SPOCK1: variants seen among roughly 807,000 people sequenced by gnomAD.
The protein encoded by SPOCK1 is testican-1.
SPOCK1 carries 23 observed loss-of-function variants against 55.3 expected under a neutral mutation model. That is an observed-to-expected ratio of 0.42 (90% CI 0.30 to 0.59). The LOEUF (loss-of-function observed/expected upper bound fraction) is 0.59. Ranked by LOEUF, SPOCK1 falls within the 20% of genes least tolerant of loss-of-function variation. The pLI, the probability that SPOCK1 is intolerant of heterozygous loss-of-function variation, is 0.22. For synonymous variants in SPOCK1, 226 were observed against 221.0 expected (o/e 1.02, Z -0.20); for missense variants, 499 against 552.5 (o/e 0.90, Z 0.97).
rs796667572 is a variant in SPOCK1 at position 137,356,873 on chromosome 5, A to AGAGAGAGAGAGAGAGAGAGAGAGAGT, written c.187-89819_187-89818insACTCTCTCTCTCTCTCTCTCTCTCTC. ...GAGAGAGAGAGAGAGAGAGAGAGAG[A>AGAGAGAGAGAGAGAGAGAGAGAGAGT]GAGTATGCAGACCAACCAGGGGGCC... On this transcript the variant is annotated intron_variant, in intron 2 of 10. Transcript: ENST00000394945. Among the ~76,000 whole-genome samples, 27 of 69,818 alleles carry AGAGAGAGAGAGAGAGAGAGAGAGAGT rather than the reference A, an allele frequency of 3.9e-4. 1 individual carries two copies. Among genetic ancestry groups the AGAGAGAGAGAGAGAGAGAGAGAGAGT allele is most frequent in the African/African-American group, 1.0e-3 (14 of 13,694 alleles). 45.8% of individuals were successfully genotyped at this position (69,818 alleles called of 152,430 possible). A position where few individuals can be genotyped will look rare whatever the true frequency, so the allele number is the denominator to read the frequency against.
intron 5 of SPOCK1, among the ~76,000 whole-genome samples, chr5:137,078,881 C>A (rs1752825084): frequency 1.3e-5 from 2 of 152,200 alleles, no homozygotes; most frequent in Non-Finnish European, 2.9e-5. Context: ...ACAACCATTC[C>A]TTGTATCCTG....
At chr5:137,193,338 A>T (rs183176963) in intron 3 of SPOCK1, among the ~76,000 whole-genome samples, 131 of 152,238 alleles carry the variant, frequency 8.6e-4, no homozygotes, top group Non-Finnish European at 2.2e-4. Flanking sequence ...AGCCTTGGGG[A>T]TTGACTGGGA....
intron 2 of SPOCK1, among the ~76,000 whole-genome samples, chr5:137,318,138 T>G (rs1212658574): frequency 6.6e-6 from 1 of 152,198 alleles, no homozygotes; most frequent in Non-Finnish European, 1.5e-5. Flanking sequence ...CCCACTGCAT[T>G]TTCAAAGACC....
chr5:137,294,921 A>G (rs1757449091), intron 2 of SPOCK1, among the ~76,000 whole-genome samples: 1 of 152,178 alleles, frequency 6.6e-6, no homozygotes, highest in African/African-American at 2.4e-5. Context: ...TCCTTCCTTC[A>G]CTAGCTATTA....
chr5:137,265,410 T>C (rs1241881163), intron 3 of SPOCK1, among the ~76,000 whole-genome samples: 1 of 152,164 alleles, frequency 6.6e-6, no homozygotes, highest in Non-Finnish European at 1.5e-5. Flanking sequence ...TGACTGTCAA[T>C]TGAGTTACCT....
At chr5:137,207,799 A>C (rs1369127) in intron 3 of SPOCK1, among the ~76,000 whole-genome samples, 124,231 of 152,144 alleles carry the variant, frequency 0.82, 50,803 homozygotes, top group Non-Finnish European at 0.86. Flanking sequence ...CATGCTCCAC[A>C]AATGCTACTT....
chr5:137,345,795 A>G lies in SPOCK1; in HGVS notation c.187-78740T>C, dbSNP rs530879578. ...ACTCTATATAGAAATTACTTACAGC[A>G]TGATGCCCTCCCAGATCTTAAGGAA... On this transcript the variant is annotated intron_variant, in intron 2 of 10. Transcript: ENST00000394945. 9.8e-5 allele frequency among the ~76,000 whole-genome samples: 15 copies of G among 152,292 alleles called. No homozygotes were observed. The South Asian group carries it at 3.1e-3, about 32-fold the overall frequency.
chr5:137,398,693 ATTAACAGGGTT>A (rs1286904397), intron 2 of SPOCK1, among the ~76,000 whole-genome samples: 9 of 152,216 alleles, frequency 5.9e-5, no homozygotes, highest in Non-Finnish European at 4.4e-5. Context: ...AATTTGGCAG[ATTAACAGGGTT>A]TTATGGTGAT....
intron 6 of SPOCK1, among the ~76,000 whole-genome samples, chr5:137,004,128 CAG>C (rs1441063026): frequency 6.6e-6 from 1 of 152,098 alleles, no homozygotes; most frequent in African/African-American, 2.4e-5. Context: ...CCAGGGGTGC[CAG>C]AGTCTAAGGT....
intron 3 of SPOCK1, among the ~76,000 whole-genome samples, chr5:137,207,961 GAAGGCATTTTAA>G (rs1191460395): frequency 6.6e-6 from 1 of 151,892 alleles, no homozygotes; most frequent in African/African-American, 2.4e-5. Context: ...ACTCTCCCTG[GAAGGCATTTTAA>G]AAGGTTCTAA....
At chr5:137,095,283 T>C (rs1415831080) in intron 5 of SPOCK1, among the ~76,000 whole-genome samples, 4 of 152,180 alleles carry the variant, frequency 2.6e-5, no homozygotes, top group African/African-American at 9.7e-5. Context: ...GCACCCATTG[T>C]TGAAAAATTG....
intron 6 of SPOCK1, among the ~76,000 whole-genome samples, chr5:137,007,411 T>C (rs1261734812): frequency 6.6e-6 from 1 of 152,010 alleles, no homozygotes; most frequent in Non-Finnish European, 1.5e-5. Context: ...GACAAAGGGC[T>C]AATATCCAGC....
At chr5:137,213,724 G>T (rs1755661039) in intron 3 of SPOCK1, among the ~76,000 whole-genome samples, 1 of 152,176 alleles carries the variant, frequency 6.6e-6, no homozygotes, top group Non-Finnish European at 1.5e-5. Flanking sequence ...CCTTCTTGGA[G>T]TTTGAGTGAG....
intron 3 of SPOCK1, among the ~76,000 whole-genome samples, chr5:137,262,230 T>C (rs898316643): frequency 6.6e-6 from 1 of 152,172 alleles, no homozygotes; most frequent in Admixed American, 6.5e-5. Flanking sequence ...CTCCAGACCC[T>C]CATCAAGTCA....
At chr5:137,187,340 C>G (rs1313854004) in intron 3 of SPOCK1, among the ~76,000 whole-genome samples, 1 of 152,174 alleles carries the variant, frequency 6.6e-6, no homozygotes, top group Non-Finnish European at 1.5e-5. Flanking sequence ...CATGCTTTCT[C>G]TTTCTGTGTT....
chr5:136,989,518 T>C (rs969295923), intron 7 of SPOCK1, among the ~76,000 whole-genome samples: 4 of 152,234 alleles, frequency 2.6e-5, no homozygotes, highest in Non-Finnish European at 5.9e-5. Flanking sequence ...TGTTGCTATA[T>C]AGAAAGCATG....
At chr5:137,084,075 A>G (rs771226069) in intron 5 of SPOCK1, among the ~76,000 whole-genome samples, 2 of 152,150 alleles carry the variant, frequency 1.3e-5, no homozygotes, top group Non-Finnish European at 1.5e-5. Context: ...AGCCAGGATT[A>G]TGATGAGAGT....
intron 2 of SPOCK1, among the ~76,000 whole-genome samples, chr5:137,407,138 T>C (rs1399707061): frequency 6.6e-6 from 1 of 152,222 alleles, no homozygotes; most frequent in East Asian, 1.9e-4. Context: ...AAATATGTAC[T>C]GCAGCAGGAC....
At chr5:137,237,916 G>GT (rs1481915490) in intron 3 of SPOCK1, among the ~76,000 whole-genome samples, 4 of 152,152 alleles carry the variant, frequency 2.6e-5, no homozygotes, top group Non-Finnish European at 5.9e-5. Context: ...CAGGAAATAG[G>GT]TTTTTTTAAC....
Sources: allele counts gnomAD v4.1 joint callset (sites outside exome capture counted in the v4.1 genomes callset), GRCh38; gene constraint gnomAD v4.1.1; transcripts MANE v1.5; gene names NCBI Gene and HGNC (gene_info 2026-07-23, HGNC 2026-07-21).